Variants in PCDHA6 observed in about 807,000 individuals in gnomAD.
PCDHA6 encodes protocadherin alpha 6, also known as protocadherin alpha-6.
PCDHA6 carries 55 observed loss-of-function variants against 60.3 expected under a neutral mutation model. The ratio of observed to expected loss-of-function variants is 0.91; its 90% confidence interval spans 0.73 to 1.14. PCDHA6 has a LOEUF of 1.14. PCDHA6 is among the 50% of genes most tolerant of loss of function. The probability of loss-of-function intolerance (pLI) is 0.00; values close to 1 mark genes in which losing one functional copy is unlikely to be tolerated. For synonymous variants in PCDHA6, 652 were observed against 557.9 expected, an observed-to-expected ratio of 1.17 and a Z score of -2.38; for missense variants, 1,327 against 1,256.5, an observed-to-expected ratio of 1.06 and a Z score of -0.85.
intron 1 of PCDHA6, chr5:140,836,280 A>T: frequency 6.2e-7 from 1 of 1,613,762 alleles, no homozygotes; most frequent in South Asian, 1.1e-5. Flanking sequence ...TGAGATCAGC[A>T]CGACACGAGC....
intron 1 of PCDHA6, chr5:140,860,153 GTATATATATATGTA>G (rs1410832204): frequency 1.4e-5 from 2 of 147,972 alleles, no homozygotes; most frequent in Admixed American, 1.4e-4. Flanking sequence ...GTATATATGT[GTATATATATATGTA>G]TATATATATG....
chr5:140,851,796 T>C, intron 1 of PCDHA6: 3 of 954,006 alleles, frequency 3.1e-6, no homozygotes, highest in Non-Finnish European at 3.8e-6. Flanking sequence ...TCACTTGTTC[T>C]GTCAGTAATC....
At chr5:140,856,916 A>G in intron 1 of PCDHA6, 1 of 1,596,314 alleles carries the variant, frequency 6.3e-7, no homozygotes, top group Middle Eastern at 1.7e-4. Flanking sequence ...CACGATAAGA[A>G]GGAAATTTTG....
chr5:140,958,204 G>T (rs2095413529), intron 1 of PCDHA6, among the ~76,000 whole-genome samples: 2 of 152,042 alleles, frequency 1.3e-5, no homozygotes, highest in South Asian at 2.1e-4. Flanking sequence ...AGTATACAAG[G>T]GAATTAGATT....
Position 140,828,292 on chromosome 5 carries a change from C to G in PCDHA6, c.201C>G (p.Ala67=). ...AELVPRLFRM[A]SKDREDLLEV... ...TGGTGCCGCGCCTGTTCAGGATGGC[C>G]TCCAAAGACCGCGAGGACCTTCTGG... The change falls in exon 1 of 4, where the codon GCC becomes GCG. Residue 67 remains alanine (A), a synonymous_variant. Coordinates refer to ENST00000529310, the MANE Select transcript of PCDHA6 (RefSeq NM_018909.4). 6.2e-7 allele frequency: 1 copy of G among 1,614,100 alleles called. No individual in the cohort carries two copies. Among genetic ancestry groups the G allele is most frequent in the Non-Finnish European group, 8.5e-7 (1 of 1,180,048 alleles).
At position 140,830,177 on chromosome 5, in the gene PCDHA6, G is replaced by A; in HGVS notation, c.2086G>A (p.Val696Ile). The change falls in exon 1 of 4, where the codon GTC (valine) becomes ATC (isoleucine). Residue 696 changes from valine (V) to isoleucine (I), a missense_variant. Val to Ile is a conservative substitution (Grantham distance 29, BLOSUM62 3). Transcript: ENST00000529310. ...AAGPEAALVDVNVYLIIAICA... is the reference protein window; with the variant it reads ...AAGPEAALVDINVYLIIAICA... ...GGGCCCAGAGGCGGCGCTGGTGGAT[G>A]TCAACGTGTACCTGATCATCGCCAT... 1.2e-6 allele frequency: 2 copies of A among 1,613,644 alleles called. No homozygotes were observed. The highest frequency in any genetic ancestry group is 8.5e-7 in the Non-Finnish European group (1 of 1,179,888).
intron 1 of PCDHA6, among the ~76,000 whole-genome samples, chr5:140,941,198 T>TCTTCCTTTCTTC (rs1563184149): frequency 4.2e-5 from 5 of 119,808 alleles, no homozygotes; most frequent in African/African-American, 1.0e-4. Context: ...TTTTTTTCTT[T>TCTTCCTTTCTTC]CTTCCTTTCT....
intron 1 of PCDHA6, among the ~76,000 whole-genome samples, chr5:140,914,395 C>G (rs781878941): frequency 6.6e-6 from 1 of 152,082 alleles, no homozygotes; most frequent in African/African-American, 2.4e-5. Context: ...TGTAGTTACC[C>G]CTGCTCCTGT....
At chr5:140,830,577 TTTAA>T (rs1269425554) in intron 1 of PCDHA6, 92 bp downstream of exon 1, 10 of 821,780 alleles carry the variant, frequency 1.2e-5, no homozygotes, top group Non-Finnish European at 1.7e-5. Flanking sequence ...GTTTTTAATT[TTTAA>T]TTAATTTTAC....
At position 140,869,619 on chromosome 5, in the gene PCDHA6, A is replaced by G. The variant is rs369497274; in HGVS notation, c.2394+39134A>G. On this transcript the variant is annotated intron_variant, in intron 1 of 3. Transcript: ENST00000529310. ...AGAATGCTCTATTGACCTACAGGCT[A>G]AGTAAAAATGAGTATTTTTCTTTAG... The G allele has an allele frequency of 6.6e-5, 106 of 1,613,784 alleles. 2 individuals carry two copies. The Middle Eastern group carries it at 4.9e-3, about 75-fold the overall frequency.
At chr5:140,836,208 T>A (rs2150255452) in intron 1 of PCDHA6, 31 of 1,613,658 alleles carry the variant, frequency 1.9e-5, no homozygotes, top group Non-Finnish European at 2.6e-5. Flanking sequence ...GTGGCTTTCG[T>A]ATGAGTTGCA....
rs781995177 is a variant in PCDHA6 at position 140,857,719 on chromosome 5, G to T, written c.2394+27234G>T. 3.8e-6 allele frequency: 6 copies of T among 1,597,526 alleles called. No homozygotes were observed. The South Asian group carries it at 5.5e-5, about 15-fold the overall frequency. The stretch of plus-strand genomic sequence containing the variant: ...CGCTGCAGGTGTTCGTGCTGGACGA[G>T]AACGACAACGCTCCCGCGCTGCTGG... On this transcript the variant is annotated intron_variant, in intron 1 of 3. Transcript: ENST00000529310.
At chr5:140,896,089 G>GGATTA (rs2065370419) in intron 1 of PCDHA6, among the ~76,000 whole-genome samples, 1 of 152,010 alleles carries the variant, frequency 6.6e-6, no homozygotes, top group Non-Finnish European at 1.5e-5. Flanking sequence ...GGGATTACAG[G>GGATTA]CGTGAGCCAC....
rs782184518 is a variant in PCDHA6 at position 140,875,731 on chromosome 5, A to G, written c.2394+45246A>G. On this transcript the variant is annotated intron_variant, in intron 1 of 3. Transcript: ENST00000529310. ...TCTGCAGAATGGCATTTTGTTTGTG[A>G]ATTCTCGGATCGACCGCGAGAAGCT... The G allele has an allele frequency of 1.2e-6, 2 of 1,614,032 alleles. No individual in the cohort carries two copies. Among genetic ancestry groups the G allele is most frequent in the African/African-American group, 2.7e-5 (2 of 74,906 alleles).
intron 1 of PCDHA6, among the ~76,000 whole-genome samples, chr5:140,948,886 T>C (rs892848820): frequency 6.6e-6 from 1 of 151,684 alleles, no homozygotes; most frequent in Non-Finnish European, 1.5e-5. Context: ...TGCTCTCTTT[T>C]AGATTTTAAG....
At chr5:140,903,351 A>G (rs2070226814) in intron 1 of PCDHA6, among the ~76,000 whole-genome samples, 1 of 152,236 alleles carries the variant, frequency 6.6e-6, no homozygotes, top group Non-Finnish European at 1.5e-5. Context: ...TTTAAAAAAC[A>G]AGTTTTTCAA....
chr5:140,835,617 G>C (rs2150239590), intron 1 of PCDHA6: 5 of 1,613,774 alleles, frequency 3.1e-6, no homozygotes, highest in Non-Finnish European at 2.5e-6. Context: ...GCTGGACAGC[G>C]CTCTGGACCG....
At chr5:140,994,329 T>A (rs1041024319) in intron 3 of PCDHA6, among the ~76,000 whole-genome samples, 2 of 152,096 alleles carry the variant, frequency 1.3e-5, no homozygotes, top group Non-Finnish European at 2.9e-5. Context: ...TCAGCAACCA[T>A]GAACAGTGGA....
In PCDHA6 at chr5:140,875,617, G is replaced by T; in HGVS notation, c.2394+45132G>T. On this transcript the variant is annotated intron_variant, in intron 1 of 3. Coordinates refer to ENST00000529310, the MANE Select transcript of PCDHA6 (RefSeq NM_018909.4). ...ACACGGCACCTTCGTGGGCCGCATC[G>T]CTCAGGACCTGGGGCTGGAGCTGGC... 1 of 1,613,780 alleles carries T rather than the reference G, an allele frequency of 6.2e-7. No homozygotes were observed. The highest frequency in any genetic ancestry group is 2.2e-5 in the East Asian group (1 of 44,888).
Sources: allele counts gnomAD v4.1 joint callset (sites outside exome capture counted in the v4.1 genomes callset), GRCh38; gene constraint gnomAD v4.1.1; transcripts MANE v1.5; gene names NCBI Gene and HGNC (gene_info 2026-07-23, HGNC 2026-07-21).